Variants in PRRX1 observed in about 807,000 individuals in gnomAD.
PRRX1 encodes paired related homeobox 1, also known as paired mesoderm homeobox protein 1.
A neutral mutation model predicts 24.0 loss-of-function variants in PRRX1; 8 were observed. The observed-to-expected ratio is 0.33, with a 90% CI of 0.20 to 0.60. PRRX1 has a LOEUF of 0.60. PRRX1 is among the 20% of genes least tolerant of loss of function. The pLI is 0.82. For missense variants in PRRX1, 281 were observed against 322.4 expected, an observed-to-expected ratio of 0.87 and a Z score of 0.98; for synonymous variants, 160 against 131.7, an observed-to-expected ratio of 1.22 and a Z score of -1.47.
At chr1:170,706,644 G>A (rs1654578659) in intron 1 of PRRX1, among the ~76,000 whole-genome samples, 1 of 152,180 alleles carries the variant, frequency 6.6e-6, no homozygotes, top group East Asian at 1.9e-4. Flanking sequence ...ATGTGGGAAA[G>A]AGTATAAAGT....
At chr1:170,695,850 C>A (rs1311165699) in intron 1 of PRRX1, among the ~76,000 whole-genome samples, 1 of 151,810 alleles carries the variant, frequency 6.6e-6, no homozygotes, top group Non-Finnish European at 1.5e-5. Context: ...TTTTTCCCCC[C>A]CTCTCTATTC....
At chr1:170,679,927 G>T (rs758089945) in intron 1 of PRRX1, among the ~76,000 whole-genome samples, 2 of 151,974 alleles carry the variant, frequency 1.3e-5, no homozygotes, top group Non-Finnish European at 2.9e-5. Flanking sequence ...TTTCTATTTT[G>T]AAATTTTGTT....
chr1:170,682,454 T>A (rs897980884), intron 1 of PRRX1, among the ~76,000 whole-genome samples: 1 of 152,090 alleles, frequency 6.6e-6, no homozygotes, highest in African/African-American at 2.4e-5. Flanking sequence ...AATAAGGTAC[T>A]GAATTATCAT....
intron 1 of PRRX1, chr1:170,668,007 A>AC (rs1199529498): frequency 4.7e-5 from 6 of 127,248 alleles, no homozygotes; most frequent in Non-Finnish European, 8.4e-5. Flanking sequence ...TTCTGTCCCC[A>AC]CCCCCACCTT....
intron 1 of PRRX1, among the ~76,000 whole-genome samples, chr1:170,671,596 G>C (rs974542002): frequency 2.6e-5 from 4 of 152,248 alleles, no homozygotes; most frequent in Non-Finnish European, 5.9e-5. Flanking sequence ...GTTCCTGCAG[G>C]ACAGACAGTA....
Position 170,737,368 on chromosome 1 carries a change from C to G in PRRX1, c.*1182C>G, listed in dbSNP as rs1458439700. ...AGGGCAGCTGTTTGAGAACAGGTCC[C>G]ATTTTCACATTAGGGCTTTAAATGA... On this transcript the variant is annotated 3_prime_UTR_variant, in exon 4 of 4. Coordinates refer to ENST00000239461, the MANE Select transcript of PRRX1 (RefSeq NM_022716.4). 1 of 191,574 alleles carries G rather than the reference C, an allele frequency of 5.2e-6. No individual in the cohort carries two copies. Among genetic ancestry groups the G allele is most frequent in the Non-Finnish European group, 1.1e-5 (1 of 91,622 alleles). 11.9% of individuals were successfully genotyped at this position (191,574 alleles called of 1,614,324 possible).
At chr1:170,735,952 C>T (rs1655586744) in intron 3 of PRRX1, 96 bp from the exon 4 acceptor site, 1 of 1,529,402 alleles carries the variant, frequency 6.5e-7, no homozygotes. Flanking sequence ...CCCCTGCCTG[C>T]CCCCATGCTG....
intron 1 of PRRX1, among the ~76,000 whole-genome samples, chr1:170,679,492 C>T (rs1166416598): frequency 6.6e-6 from 1 of 152,134 alleles, no homozygotes; most frequent in East Asian, 1.9e-4. Flanking sequence ...CTCCACCTCC[C>T]AGGTTCATGC....
Position 170,724,111 on chromosome 1 carries a change from G to A in PRRX1, c.418-2109G>A, listed in dbSNP as rs1181633230. Among the ~76,000 whole-genome samples, 6 of 152,014 alleles carry A rather than the reference G, an allele frequency of 3.9e-5. No individual in the cohort carries two copies. The South Asian group carries it at 8.3e-4, about 21-fold the overall frequency. ...CTGGTAACACTTAAAAAACAATATCGTTTGCCCACTTTTTCATGGGATTGT... is the reference window on the plus strand; with the variant it reads ...CTGGTAACACTTAAAAAACAATATCATTTGCCCACTTTTTCATGGGATTGT... On this transcript the variant is annotated intron_variant, in intron 2 of 3. Coordinates refer to ENST00000239461, the MANE Select transcript of PRRX1 (RefSeq NM_022716.4).
intron 1 of PRRX1, among the ~76,000 whole-genome samples, chr1:170,710,640 G>C (rs1654715639): frequency 6.6e-6 from 1 of 152,172 alleles, no homozygotes; most frequent in Admixed American, 6.6e-5. Context: ...GTAACCCCCA[G>C]TGTGACACTA....
upstream of PRRX1, chr1:170,663,138 T>C (rs144655065): frequency 6.6e-6 from 1 of 151,468 alleles, no homozygotes; most frequent in East Asian, 2.0e-4. Context: ...AACTCTGATG[T>C]TGGCAAAGGG....
In PRRX1 at chr1:170,730,836, C is replaced by T. The variant is rs77313838; in HGVS notation, c.599+4435C>T. 3.1e-3 allele frequency among the ~76,000 whole-genome samples: 465 copies of T among 152,252 alleles called. 5 individuals carry two copies. Among genetic ancestry groups the T allele is most frequent in the African/African-American group, 0.01 (425 of 41,542 alleles). On this transcript the variant is annotated intron_variant, in intron 3 of 3. Transcript: ENST00000239461. Reference sequence around the variant, plus strand: ...TAACATGAAGCTAGCAATAATCTCCCTATTGCTTATTTCACAGGGGTGTTT... The same window carrying T: ...TAACATGAAGCTAGCAATAATCTCCTTATTGCTTATTTCACAGGGGTGTTT...
chr1:170,702,774 A>C lies in PRRX1; in HGVS notation c.242-16952A>C, dbSNP rs572171103. Among the ~76,000 whole-genome samples the C allele has an allele frequency of 7.8e-4, 119 of 152,354 alleles. 1 individual carries two copies. The highest frequency in any genetic ancestry group is 5.1e-4 in the Non-Finnish European group (35 of 68,042). On this transcript the variant is annotated intron_variant, in intron 1 of 3. Transcript: ENST00000239461. The stretch of plus-strand genomic sequence containing the variant: ...ATGTGGGTCTCCCATAAATGGCAAT[A>C]GCAGAGTGTTTTTAAAACTTGGAAA...
At chr1:170,670,077 A>G (rs1025979471) in intron 1 of PRRX1, among the ~76,000 whole-genome samples, 12 of 152,172 alleles carry the variant, frequency 7.9e-5, no homozygotes, top group African/African-American at 2.9e-4. Flanking sequence ...ATAAAAAATT[A>G]CAGGCAATGT....
chr1:170,669,427 A>AAAAAAAAAAAAAAAAAAAAAAAAAAT (rs1653065700), intron 1 of PRRX1: 1 of 88,630 alleles, frequency 1.1e-5, no homozygotes, highest in Non-Finnish European at 2.7e-5. Flanking sequence ...CCCCACTGCA[A>AAAAAAAAAAAAAAAAAAAAAAAAAAT]AAAAAAAAAA....
intron 1 of PRRX1, among the ~76,000 whole-genome samples, chr1:170,710,699 T>A (rs1654717800): frequency 6.6e-6 from 1 of 152,158 alleles, no homozygotes; most frequent in Admixed American, 6.5e-5. Flanking sequence ...TGAGGTCACA[T>A]GAGTGAGTCC....
intron 1 of PRRX1, among the ~76,000 whole-genome samples, chr1:170,679,619 T>C (rs931959588): frequency 3.9e-5 from 6 of 152,196 alleles, no homozygotes; most frequent in African/African-American, 1.4e-4. Flanking sequence ...CAGGATGGTC[T>C]CGATCTCCTG....
At chr1:170,708,094 T>C (rs1013520583) in intron 1 of PRRX1, among the ~76,000 whole-genome samples, 1 of 152,208 alleles carries the variant, frequency 6.6e-6, no homozygotes, top group Non-Finnish European at 1.5e-5. Context: ...CTTCCTGTTA[T>C]GAGTTGAGCA....
rs551821072 is a variant in PRRX1 at position 170,739,353 on chromosome 1, G to A, written c.*3167G>A. On this transcript the variant is annotated 3_prime_UTR_variant, in exon 4 of 4. Transcript: ENST00000239461. ...ATGTTGTAAAATATACATTGTTTGCGCTAGAATAGAAATGATTTCTTTTCA... is the reference window on the plus strand; with the variant it reads ...ATGTTGTAAAATATACATTGTTTGCACTAGAATAGAAATGATTTCTTTTCA... The A allele has an allele frequency of 1.3e-4, 24 of 178,256 alleles. No individual in the cohort carries two copies. Among genetic ancestry groups the A allele is most frequent in the Admixed American group, 7.6e-4 (12 of 15,834 alleles). The allele number at this position is 178,256 out of a possible 1,614,324, so 11.0% of individuals were successfully genotyped here. A position where few individuals can be genotyped will look rare whatever the true frequency, so the allele number is the denominator to read the frequency against.
Sources: gnomAD v4.1 joint callset for allele counts (sites outside exome capture counted in the v4.1 genomes callset) on GRCh38, gnomAD v4.1.1 for gene constraint, MANE v1.5 for transcripts, NCBI Gene and HGNC (gene_info 2026-07-23, HGNC 2026-07-21) for gene names.